Variants in MTRF1L observed in about 807,000 individuals in gnomAD.
MTRF1L encodes peptide chain release factor 1-like, mitochondrial.
A neutral mutation model predicts 40.0 loss-of-function variants in MTRF1L; 29 were observed. The ratio of observed to expected loss-of-function variants is 0.73; its 90% CI spans 0.54 to 0.99. The LOEUF is 0.99. Ranked by LOEUF, MTRF1L falls within the 50% of genes least tolerant of loss-of-function variation. MTRF1L has a pLI of 0.00. For missense variants in MTRF1L, 412 were observed against 464.5 expected (o/e 0.89, Z 1.04); for synonymous variants, 150 against 175.8 (o/e 0.85, Z 1.16).
intron 1 of MTRF1L, 149 bp downstream of exon 1, chr6:153,002,278 G>T: frequency 1.7e-6 from 2 of 1,202,102 alleles, no homozygotes; most frequent in South Asian, 1.3e-5. Flanking sequence ...TGGGATCACA[G>T]CACGTAATGA....
At chr6:152,997,782 C>T (rs1034055906) in intron 2 of MTRF1L, among the ~76,000 whole-genome samples, 2 of 152,182 alleles carry the variant, frequency 1.3e-5, no homozygotes, top group East Asian at 1.9e-4. Context: ...TCTCATCAAA[C>T]AGGCAATTTT....
intron 4 of MTRF1L, 78 bp downstream of exon 4, chr6:152,994,435 G>A: frequency 7.1e-7 from 1 of 1,411,610 alleles, no homozygotes; most frequent in Non-Finnish European, 9.5e-7. Context: ...ACTCAATTCA[G>A]TAAACTCTGA....
intron 1 of MTRF1L, among the ~76,000 whole-genome samples, chr6:153,002,154 C>T (rs981526214): frequency 3.0e-4 from 46 of 152,290 alleles, no homozygotes; most frequent in African/African-American, 1.1e-3. Flanking sequence ...AGGGACAGTG[C>T]CTTATTTATC....
Position 152,992,852 on chromosome 6 carries a change from C to T in MTRF1L, c.805+5G>A. ...GTGTCATATATTGAAGGAATAAGTA[C>T]ACACCTGTTGGAAGATGAACTATCC... is the stretch of plus-strand genomic sequence containing the variant. On this transcript the variant is annotated splice_donor_5th_base_variant and intron_variant, in intron 5 of 6. Transcript: ENST00000367233. 1 of 1,605,340 alleles carries T rather than the reference C, an allele frequency of 6.2e-7. No individual in the cohort carries two copies. The highest frequency in any genetic ancestry group is 8.5e-7 in the Non-Finnish European group (1 of 1,174,434).
rs1778395499 is a variant in MTRF1L at position 152,988,205 on chromosome 6, C to T, written c.*1690G>A. 3.4e-5 allele frequency: 2 copies of T among 58,664 alleles called. 1 individual carries two copies. Among genetic ancestry groups the T allele is most frequent in the South Asian group, 1.2e-3 (2 of 1,734 alleles). The allele number at this position is 58,664 out of a possible 1,614,324, so 3.6% of individuals were successfully genotyped here. ...ACAGAAGGCAAGCTAGCAGGATGCTCCCCGAAACCTCTTTTATTATGGGCC... is the reference window on the plus strand; with the variant it reads ...ACAGAAGGCAAGCTAGCAGGATGCTTCCCGAAACCTCTTTTATTATGGGCC... On this transcript the variant is annotated 3_prime_UTR_variant, in exon 7 of 7. Coordinates refer to ENST00000367233, the MANE Select transcript of MTRF1L (RefSeq NM_019041.7).
At position 152,990,100 on chromosome 6, in the gene MTRF1L, A is replaced by G. The variant is rs1375846828; in HGVS notation, c.943-5T>C. On this transcript the variant is annotated splice_region_variant and splice_polypyrimidine_tract_variant and intron_variant, in intron 6 of 6. Transcript: ENST00000367233. ...TGATCTTCCTTTACTTCCAATCTGT[A>G]TATAGAGAAAAAGATGAGATGCAGC... 6.2e-7 allele frequency: 1 copy of G among 1,610,854 alleles called. No individual in the cohort carries two copies. Among genetic ancestry groups the G allele is most frequent in the Non-Finnish European group, 8.5e-7 (1 of 1,179,096 alleles).
In MTRF1L at chr6:152,994,539, C is replaced by T. The variant is rs778357906; in HGVS notation, c.661G>A (p.Val221Ile). Residue 221 changes from valine to isoleucine, a missense_variant, in exon 4 of 7, where the codon GTA (valine) becomes ATA (isoleucine). Val to Ile is a conservative substitution (Grantham distance 29, BLOSUM62 3). Transcript: ENST00000367233. The part of the protein sequence containing the change: ...QGRVHTSTMT[V>I]AILPQPTEIN... Reference sequence around the variant, plus strand: ...TCAGTAGGCTGGGGTAATATTGCTACAGTCATGGTGCTAGTATGGACGCGG... The same window carrying T: ...TCAGTAGGCTGGGGTAATATTGCTATAGTCATGGTGCTAGTATGGACGCGG... 2.0e-5 allele frequency: 32 copies of T among 1,611,560 alleles called. No individual in the cohort carries two copies. In the South Asian group the frequency reaches 2.1e-4, roughly 11 times the overall value.
At chr6:152,992,781 A>G (rs1229461200) in intron 5 of MTRF1L, 76 bp downstream of exon 5, 30 of 1,079,600 alleles carry the variant, frequency 2.8e-5, no homozygotes, top group African/African-American at 4.7e-5. Flanking sequence ...CCGAGGATCT[A>G]TTTCAGTGGA....
chr6:152,990,182 G>T (rs1778457113), intron 6 of MTRF1L, 87 bp from the exon 7 acceptor site: 1 of 1,511,478 alleles, frequency 6.6e-7, no homozygotes, highest in African/African-American at 1.4e-5. Context: ...TTAAGTTCTT[G>T]ATTTATAACA....
Position 152,990,057 on chromosome 6 carries a change from A to T in MTRF1L, c.981T>A (p.Tyr327Ter), listed in dbSNP as rs1342967274. The T allele has an allele frequency of 6.2e-7, 1 of 1,613,238 alleles. No homozygotes were observed. The highest frequency in any genetic ancestry group is 8.5e-7 in the Non-Finnish European group (1 of 1,179,302). ...SKGRSEKIRT[Y>*]NFPQNRVTDH... ...CTGTGACCCGGTTCTGTGGAAAATT[A>T]TATGTTCTTATTTTCTCTGATCTTC... Residue 327 changes from tyrosine (Y) to a stop codon, truncating the protein, a stop_gained, in exon 7 of 7, where the codon TAT (tyrosine) becomes TAA (stop). Transcript: ENST00000367233. LOFTEE classifies it high-confidence loss of function.
rs1340051244 is a variant in MTRF1L at position 152,989,636 on chromosome 6, A to C, written c.*259T>G. 4 of 391,138 alleles carry C rather than the reference A, an allele frequency of 1.0e-5. No homozygotes were observed. The highest frequency in any genetic ancestry group is 8.4e-5 in the African/African-American group (4 of 47,720). The allele number at this position is 391,138 out of a possible 1,614,324, so 24.2% of individuals were successfully genotyped here. Reference sequence around the variant, plus strand: ...TTAATTAGGAGACTGCTGTGTTGCTAACGTTATATGCATTTTTAACTTATG... The same window carrying C: ...TTAATTAGGAGACTGCTGTGTTGCTCACGTTATATGCATTTTTAACTTATG... On this transcript the variant is annotated 3_prime_UTR_variant, in exon 7 of 7. Coordinates refer to ENST00000367233, the MANE Select transcript of MTRF1L (RefSeq NM_019041.7).
rs1053694984 is a variant in MTRF1L at position 152,996,363 on chromosome 6, C to T, written c.340-1044G>A. On this transcript the variant is annotated intron_variant, in intron 2 of 6. Transcript: ENST00000367233. ...TTTGAACAAATAATGGATTTTACTT[C>T]TGTTTGTTGATTACTAGACACTGAA... Among the ~76,000 whole-genome samples the T allele has an allele frequency of 9.2e-5, 14 of 152,258 alleles. No individual in the cohort carries two copies. In the East Asian group the frequency reaches 2.1e-3, roughly 23 times the overall value.
At chr6:152,995,360 T>A in intron 2 of MTRF1L, 41 bp from the exon 3 acceptor site, 1 of 1,443,642 alleles carries the variant, frequency 6.9e-7, no homozygotes, top group Non-Finnish European at 9.3e-7. Context: ...AATTAAGATT[T>A]AAAATTTATC....
intron 4 of MTRF1L, among the ~76,000 whole-genome samples, chr6:152,993,828 T>G: frequency 6.6e-6 from 1 of 152,204 alleles, no homozygotes; most frequent in South Asian, 2.1e-4. Flanking sequence ...AAATTAGATC[T>G]AAAGAAACTA....
intron 1 of MTRF1L, among the ~76,000 whole-genome samples, chr6:152,999,825 T>C (rs2038333): frequency 0.76 from 115,966 of 152,180 alleles, 45,030 homozygotes; most frequent in African/African-American, 0.92. Flanking sequence ...AAAATTACCC[T>C]GTCTTGGGTA....
intron 2 of MTRF1L, 104 bp from the exon 3 acceptor site, chr6:152,995,423 A>T: frequency 9.4e-7 from 1 of 1,060,256 alleles, no homozygotes; most frequent in Non-Finnish European, 1.3e-6. Context: ...AGTTTCGCCA[A>T]GCAAATAATG....
intron 5 of MTRF1L, 69 bp from the exon 6 acceptor site, chr6:152,991,390 T>C: frequency 7.0e-7 from 1 of 1,436,814 alleles, no homozygotes; most frequent in Non-Finnish European, 9.3e-7. Flanking sequence ...CAAGGAATAC[T>C]TTTCCTCCTC....
At chr6:152,998,823 T>C (rs992303717) in intron 1 of MTRF1L, 194 bp from the exon 2 acceptor site, 10 of 343,592 alleles carry the variant, frequency 2.9e-5, no homozygotes, top group Non-Finnish European at 4.7e-5. Context: ...TTTTATACAT[T>C]AGTTTTCATA....
At position 152,989,717 on chromosome 6, in the gene MTRF1L, T is replaced by C; in HGVS notation, c.*178A>G. 1.6e-6 allele frequency: 1 copy of C among 632,670 alleles called. No individual in the cohort carries two copies. Among genetic ancestry groups the C allele is most frequent in the Non-Finnish European group, 2.6e-6 (1 of 383,310 alleles). The allele number at this position is 632,670 out of a possible 1,614,324, so 39.2% of individuals were successfully genotyped here. A position where few individuals can be genotyped will look rare whatever the true frequency, so the allele number is the denominator to read the frequency against. On this transcript the variant is annotated 3_prime_UTR_variant, in exon 7 of 7. Coordinates refer to ENST00000367233, the MANE Select transcript of MTRF1L (RefSeq NM_019041.7). ...AATCGAGGACCATCTGTATATTGTA[T>C]GATTTTTGCTAATGCATTGAGAGAG...
Sources: gnomAD v4.1 joint callset for allele counts (sites outside exome capture counted in the v4.1 genomes callset) on GRCh38, gnomAD v4.1.1 for gene constraint, MANE v1.5 for transcripts, NCBI Gene and HGNC (gene_info 2026-07-23, HGNC 2026-07-21) for gene names.